Variants in ZDHHC17 observed in about 807,000 individuals in gnomAD.
ZDHHC17 encodes zDHHC palmitoyltransferase 17.
ZDHHC17 carries 40 observed loss-of-function variants against 90.3 expected under a neutral mutation model. The ratio of observed to expected loss-of-function variants is 0.44; its 90% CI spans 0.34 to 0.58. The LOEUF (loss-of-function observed/expected upper bound fraction) is 0.58. ZDHHC17 is among the 20% of genes least tolerant of loss of function. The probability of loss-of-function intolerance (pLI) is 0.01; values close to 1 mark genes in which losing one functional copy is unlikely to be tolerated. For synonymous variants in ZDHHC17, 235 were observed against 252.4 expected (o/e 0.93, Z 0.65); for missense variants, 614 against 780.8 (o/e 0.79, Z 2.55).
chr12:76,779,361 T>C (rs1952597857), intron 1 of ZDHHC17, among the ~76,000 whole-genome samples: 1 of 152,164 alleles, frequency 6.6e-6, no homozygotes, highest in Admixed American at 6.5e-5. Context: ...TTGACTCAGT[T>C]ACACATGGCT....
At chr12:76,779,374 G>A (rs1952597948) in intron 1 of ZDHHC17, among the ~76,000 whole-genome samples, 1 of 152,146 alleles carries the variant, frequency 6.6e-6, no homozygotes, top group African/African-American at 2.4e-5. Flanking sequence ...ACATGGCTGG[G>A]GAGGCCTCAC....
intron 1 of ZDHHC17, among the ~76,000 whole-genome samples, chr12:76,797,212 G>A (rs1368567982): frequency 2.6e-5 from 4 of 152,014 alleles, no homozygotes; most frequent in Non-Finnish European, 4.4e-5. Flanking sequence ...GTAGGGAGCC[G>A]AGATCGCGTC....
intron 1 of ZDHHC17, among the ~76,000 whole-genome samples, chr12:76,770,801 G>A (rs1159018790): frequency 6.6e-6 from 1 of 152,048 alleles, no homozygotes; most frequent in Non-Finnish European, 1.5e-5. Flanking sequence ...GCCGGGCATG[G>A]GGGTGCATGC....
chr12:76,784,005 G>A (rs1952657397), intron 1 of ZDHHC17, among the ~76,000 whole-genome samples: 1 of 152,226 alleles, frequency 6.6e-6, no homozygotes, highest in South Asian at 2.1e-4. Context: ...TTTGACTTTA[G>A]TCCAGTGATG....
At position 76,841,971 on chromosome 12, in the gene ZDHHC17, A is replaced by AC; in HGVS notation, c.1142-9dup. On this transcript the variant is annotated splice_polypyrimidine_tract_variant and intron_variant, in intron 10 of 16. Coordinates refer to ENST00000426126, the MANE Select transcript of ZDHHC17 (RefSeq NM_015336.4). ...TATCATTGCTTCTTTAGATTCCTTAACCTTAGGCACATCTCAACTTTTTAT... is the reference window on the plus strand; with the variant it reads ...TATCATTGCTTCTTTAGATTCCTTAACCCTTAGGCACATCTCAACTTTTTAT... The AC allele has an allele frequency of 6.5e-7, 1 of 1,533,094 alleles. No individual in the cohort carries two copies. The highest frequency in any genetic ancestry group is 8.8e-7 in the Non-Finnish European group (1 of 1,141,986). 95.0% of individuals were successfully genotyped at this position (1,533,094 alleles called of 1,614,324 possible).
intron 1 of ZDHHC17, among the ~76,000 whole-genome samples, chr12:76,786,071 G>C (rs368585102): frequency 2.0e-5 from 3 of 151,874 alleles, no homozygotes; most frequent in Non-Finnish European, 4.4e-5. Context: ...GAAGCTGTGG[G>C]ATAAAGAATC....
Position 76,815,145 on chromosome 12 carries a change from G to T in ZDHHC17, c.544-1G>T. On this transcript the variant is annotated splice_acceptor_variant, in intron 5 of 16. Coordinates refer to ENST00000426126, the MANE Select transcript of ZDHHC17 (RefSeq NM_015336.4). LOFTEE classifies it high-confidence loss of function. The stretch of plus-strand genomic sequence containing the variant: ...GACTTTTTTTCTTTTTACTTTATCA[G>T]GATGTAGATATGATGGATCAGAATG... 1 of 1,549,638 alleles carries T rather than the reference G, an allele frequency of 6.5e-7. No homozygotes were observed. The highest frequency in any genetic ancestry group is 8.7e-7 in the Non-Finnish European group (1 of 1,144,610).
chr12:76,817,803 T>C (rs956321960), intron 7 of ZDHHC17, among the ~76,000 whole-genome samples: 9 of 152,094 alleles, frequency 5.9e-5, no homozygotes, highest in African/African-American at 2.2e-4. Flanking sequence ...AGTAGAGATA[T>C]TTAAAATTAT....
In ZDHHC17 at chr12:76,764,144, A is replaced by C. The variant is rs114354873; in HGVS notation, c.-93A>C. Reference sequence around the variant, plus strand: ...CGGGGGCAGGAGAAGAAGGAGGAGGAGGCCCGCGTCGCCTCCGGCGGGGCT... The same window carrying C: ...CGGGGGCAGGAGAAGAAGGAGGAGGCGGCCCGCGTCGCCTCCGGCGGGGCT... On this transcript the variant is annotated 5_prime_UTR_variant, in exon 1 of 17. Transcript: ENST00000426126. 6.7e-3 allele frequency: 6,476 copies of C among 972,984 alleles called. 260 individuals are homozygous for C. The African/African-American group carries it at 0.09, about 13-fold the overall frequency. The allele number at this position is 972,984 out of a possible 1,614,324, so 60.3% of individuals were successfully genotyped here.
chr12:76,785,444 AAT>A (rs2137729061), intron 1 of ZDHHC17, among the ~76,000 whole-genome samples: 1 of 152,298 alleles, frequency 6.6e-6, no homozygotes, highest in South Asian at 2.1e-4. Context: ...AAATGCATTT[AAT>A]AGTCTGTTAA....
chr12:76,781,829 A>G (rs1162039527), intron 1 of ZDHHC17: 1 of 373,708 alleles, frequency 2.7e-6, no homozygotes, highest in East Asian at 7.2e-5. Flanking sequence ...AATAAAGTAG[A>G]GCTACATGTA....
intron 1 of ZDHHC17, among the ~76,000 whole-genome samples, chr12:76,779,458 A>G (rs1266736155): frequency 6.6e-6 from 1 of 151,926 alleles, no homozygotes; most frequent in Non-Finnish European, 1.5e-5. Context: ...GTGCAGGGGA[A>G]CTCCCATTTA....
At chr12:76,803,755 T>C (rs537413196) in intron 2 of ZDHHC17, among the ~76,000 whole-genome samples, 1 of 152,308 alleles carries the variant, frequency 6.6e-6, no homozygotes, top group Admixed American at 6.5e-5. Flanking sequence ...GGGTGCATGA[T>C]GAATTTAAGG....
chr12:76,764,435 C>A, intron 1 of ZDHHC17, 106 bp downstream of exon 1: 1 of 1,096,092 alleles, frequency 9.1e-7, no homozygotes, highest in Admixed American at 2.6e-5. Flanking sequence ...TGGGACGTGC[C>A]GAAGTTGGGG....
chr12:76,766,667 ACTAG>A (rs1387976653), intron 1 of ZDHHC17, among the ~76,000 whole-genome samples: 1 of 152,172 alleles, frequency 6.6e-6, no homozygotes, highest in East Asian at 1.9e-4. Context: ...AAATTCGGTA[ACTAG>A]CTAAGTGACC....
rs190666082 is a variant in ZDHHC17, at chr12:76,813,014, A to G, written c.544-2132A>G. 4.5e-4 allele frequency among the ~76,000 whole-genome samples: 68 copies of G among 152,190 alleles called. No individual in the cohort carries two copies. In the East Asian group the frequency reaches 0.011, roughly 25 times the overall value. ...GTACCAAGTTTTAAATCCCGACCCAAAGAGAGAAAAGGTTGAATTTCATTT... is the reference window on the plus strand; with the variant it reads ...GTACCAAGTTTTAAATCCCGACCCAGAGAGAGAAAAGGTTGAATTTCATTT... On this transcript the variant is annotated intron_variant, in intron 5 of 16. Coordinates refer to ENST00000426126, the MANE Select transcript of ZDHHC17 (RefSeq NM_015336.4).
intron 10 of ZDHHC17, among the ~76,000 whole-genome samples, chr12:76,835,357 A>T (rs950547806): frequency 2.6e-5 from 4 of 152,154 alleles, no homozygotes; most frequent in Non-Finnish European, 5.9e-5. Context: ...AGCCAGTCTT[A>T]CGCCATTTTG....
At chr12:76,805,465 A>G (rs774421271) in intron 3 of ZDHHC17, 26 bp downstream of exon 3, 105 of 1,444,082 alleles carry the variant, frequency 7.3e-5, no homozygotes, top group East Asian at 8.0e-5. Context: ...ATTTTTAATT[A>G]TTAGAACTTG....
chr12:76,833,698 A>G (rs934051177), intron 10 of ZDHHC17, among the ~76,000 whole-genome samples: 2 of 152,200 alleles, frequency 1.3e-5, no homozygotes, highest in Non-Finnish European at 2.9e-5. Context: ...AGGCTGAGGC[A>G]GGAGAATGGC....
Sources: allele counts gnomAD v4.1 joint callset (sites outside exome capture counted in the v4.1 genomes callset), GRCh38; gene constraint gnomAD v4.1.1; transcripts MANE v1.5; gene names NCBI Gene and HGNC (gene_info 2026-07-23, HGNC 2026-07-21).